The following EFNA5 variants were observed in gnomAD, a reference collection of about 807,000 sequenced individuals.
The protein encoded by EFNA5 is ephrin A5, also known as ephrin-A5.
A neutral mutation model predicts 22.9 loss-of-function variants in EFNA5; 5 were observed. That is an observed-to-expected ratio of 0.22 (90% CI 0.11 to 0.46). The LOEUF (loss-of-function observed/expected upper bound fraction) is 0.46. EFNA5 is among the 20% of genes least tolerant of loss of function. EFNA5 has a pLI of 0.99. For synonymous variants in EFNA5, 113 were observed against 112.2 expected (o/e 1.01, Z -0.04); for missense variants, 237 against 293.3 (o/e 0.81, Z 1.40).
At chr5:107,459,430 C>T (rs766781886) in intron 1 of EFNA5, among the ~76,000 whole-genome samples, 1 of 150,008 alleles carries the variant, frequency 6.7e-6, no homozygotes. Context: ...GCTAGAACTA[C>T]AGAAAAATAG....
intron 1 of EFNA5, among the ~76,000 whole-genome samples, chr5:107,656,441 A>AC (rs1750827107): frequency 6.6e-6 from 1 of 152,140 alleles, no homozygotes; most frequent in Non-Finnish European, 1.5e-5. Flanking sequence ...GGAACAACAT[A>AC]TATTACAAAA....
rs1311711296 is a variant in EFNA5, at chr5:107,630,826, CCTCT to C, written c.125+39659_125+39662del. Among the ~76,000 whole-genome samples, 24 of 152,018 alleles carry C rather than the reference CCTCT, an allele frequency of 1.6e-4. No homozygotes were observed. In the East Asian group the frequency reaches 3.1e-3, roughly 20 times the overall value. On this transcript the variant is annotated intron_variant, in intron 1 of 4. Transcript: ENST00000333274. ...ACTGTACAAAGTATTTTCTTTATAT[CCTCT>C]CTATCAGCTTTTTCATGAAAATTTA... is the stretch of plus-strand genomic sequence containing the variant.
At chr5:107,395,410 CCT>C (rs1747896648) in intron 2 of EFNA5, among the ~76,000 whole-genome samples, 1 of 152,270 alleles carries the variant, frequency 6.6e-6, no homozygotes, top group South Asian at 2.1e-4. Flanking sequence ...GTAAACTTCA[CCT>C]CTGTCAGTCA....
chr5:107,443,491 T>C (rs1749313299), intron 1 of EFNA5, among the ~76,000 whole-genome samples: 1 of 152,210 alleles, frequency 6.6e-6, no homozygotes, highest in Non-Finnish European at 1.5e-5. Context: ...TGTGTTGAAC[T>C]GGAGACAGTT....
chr5:107,470,032 G>A (rs553135332), intron 1 of EFNA5, among the ~76,000 whole-genome samples: 1 of 152,254 alleles, frequency 6.6e-6, no homozygotes, highest in South Asian at 2.1e-4. Context: ...AAGGGCAATA[G>A]GAAATAATTA....
chr5:107,526,482 G>C (rs1192073701), intron 1 of EFNA5, among the ~76,000 whole-genome samples: 2 of 152,178 alleles, frequency 1.3e-5, no homozygotes, highest in African/African-American at 4.8e-5. Flanking sequence ...ACTTGATTGG[G>C]TCTGAACATG....
chr5:107,511,169 G>A (rs1747363286), intron 1 of EFNA5, among the ~76,000 whole-genome samples: 2 of 152,086 alleles, frequency 1.3e-5, no homozygotes, highest in African/African-American at 2.4e-5. Flanking sequence ...TGGGATAACA[G>A]GCATGCGCCA....
At chr5:107,667,809 C>T (rs967077949) in intron 1 of EFNA5, among the ~76,000 whole-genome samples, 2 of 152,072 alleles carry the variant, frequency 1.3e-5, no homozygotes, top group African/African-American at 4.8e-5. Flanking sequence ...GGCTAGCTTA[C>T]TTTATGAAAT....
At chr5:107,597,739 TCAACAGACCGTGAA>T (rs1263002601) in intron 1 of EFNA5, among the ~76,000 whole-genome samples, 1 of 152,130 alleles carries the variant, frequency 6.6e-6, no homozygotes, top group Non-Finnish European at 1.5e-5. Context: ...AAGATGAATT[TCAACAGACCGTGAA>T]CCAGAGATTT....
chr5:107,426,118 G>A (rs1436825300), intron 2 of EFNA5, among the ~76,000 whole-genome samples: 1 of 152,160 alleles, frequency 6.6e-6, no homozygotes, highest in Non-Finnish European at 1.5e-5. Context: ...CCCAGTGAAA[G>A]GTCACTCCCT....
intron 4 of EFNA5, among the ~76,000 whole-genome samples, chr5:107,382,424 G>A (rs1747493594): frequency 6.6e-6 from 1 of 152,024 alleles, no homozygotes; most frequent in South Asian, 2.1e-4. Context: ...TCAGGCTGGA[G>A]TACAGTGGCC....
At chr5:107,589,305 T>C (rs1022928960) in intron 1 of EFNA5, among the ~76,000 whole-genome samples, 9 of 152,204 alleles carry the variant, frequency 5.9e-5, no homozygotes, top group African/African-American at 2.2e-4. Flanking sequence ...AGAACCAGAA[T>C]TGGTCATTTG....
chr5:107,593,365 A>AAGGAG (rs1749414806), intron 1 of EFNA5, among the ~76,000 whole-genome samples: 1 of 152,124 alleles, frequency 6.6e-6, no homozygotes, highest in Non-Finnish European at 1.5e-5. Flanking sequence ...TTCTTTCTGG[A>AAGGAG]AGGAGAGGAG....
intron 1 of EFNA5, among the ~76,000 whole-genome samples, chr5:107,556,720 T>C (rs777682260): frequency 1.3e-5 from 2 of 151,436 alleles, no homozygotes; most frequent in Non-Finnish European, 2.9e-5. Context: ...CACTCCAGCC[T>C]GGGTGACAGG....
At chr5:107,505,610 T>G (rs1361334798) in intron 1 of EFNA5, among the ~76,000 whole-genome samples, 4 of 152,172 alleles carry the variant, frequency 2.6e-5, no homozygotes, top group Non-Finnish European at 5.9e-5. Context: ...GAGATATCAT[T>G]AGAAAATGTA....
At chr5:107,434,608 C>T (rs1465005130) in intron 1 of EFNA5, among the ~76,000 whole-genome samples, 1 of 152,210 alleles carries the variant, frequency 6.6e-6, no homozygotes, top group African/African-American at 2.4e-5. Context: ...AGCAGAGAAC[C>T]TGCTTCCAGG....
intron 2 of EFNA5, among the ~76,000 whole-genome samples, chr5:107,401,626 C>G (rs999595075): frequency 2.0e-5 from 3 of 152,240 alleles, no homozygotes; most frequent in Admixed American, 6.5e-5. Context: ...AAAACACATA[C>G]ATTTTGAACT....
In EFNA5 at chr5:107,644,012, GT is replaced by G. The variant is rs548886349; in HGVS notation, c.125+26476del. Among the ~76,000 whole-genome samples, 236 of 152,194 alleles carry G rather than the reference GT, an allele frequency of 1.6e-3. 1 individual carries two copies. The highest frequency in any genetic ancestry group is 2.9e-3 in the Non-Finnish European group (196 of 68,002). The stretch of plus-strand genomic sequence containing the variant: ...TCCCTAGAAAATCAGGGAGGAAAAT[GT>G]TTTTTTCATGGAAAAGAATTAGAGT... On this transcript the variant is annotated intron_variant, in intron 1 of 4. Coordinates refer to ENST00000333274, the MANE Select transcript of EFNA5 (RefSeq NM_001962.3).
At chr5:107,593,526 G>C (rs1749417969) in intron 1 of EFNA5, among the ~76,000 whole-genome samples, 1 of 152,172 alleles carries the variant, frequency 6.6e-6, no homozygotes, top group South Asian at 2.1e-4. Flanking sequence ...CTCGAGAGCA[G>C]AGGGGCTCCA....
Sources: gnomAD v4.1 joint callset for allele counts (sites outside exome capture counted in the v4.1 genomes callset) on GRCh38, gnomAD v4.1.1 for gene constraint, MANE v1.5 for transcripts, NCBI Gene and HGNC (gene_info 2026-07-23, HGNC 2026-07-21) for gene names.